HACD2: variants seen among roughly 807,000 people sequenced by gnomAD.
The protein encoded by HACD2 is very-long-chain (3R)-3-hydroxyacyl-CoA dehydratase 2.
In HACD2, 15 loss-of-function variants were observed where a neutral mutation model predicts 31.0. The ratio of observed to expected loss-of-function variants is 0.48; its 90% CI spans 0.32 to 0.75. HACD2 has a LOEUF of 0.75. Ranked by LOEUF, HACD2 falls within the 30% of genes least tolerant of loss-of-function variation. The pLI is 0.03. For synonymous variants in HACD2, 115 were observed against 122.2 expected (o/e 0.94, Z 0.39); for missense variants, 283 against 313.0 (o/e 0.90, Z 0.72).
intron 4 of HACD2, among the ~76,000 whole-genome samples, chr3:123,512,153 G>T (rs2056071487): frequency 6.6e-6 from 1 of 152,140 alleles, no homozygotes; most frequent in African/African-American, 2.4e-5. Context: ...ACTAAGATGA[G>T]CCCTGTTTAT....
chr3:123,508,597 T>G (rs1012111274), intron 4 of HACD2, among the ~76,000 whole-genome samples: 1 of 152,256 alleles, frequency 6.6e-6, no homozygotes, highest in African/African-American at 2.4e-5. Context: ...ACCCGCTGCT[T>G]ACTGCGCTGG....
chr3:123,569,871 C>T (rs1451225283), intron 2 of HACD2, among the ~76,000 whole-genome samples: 5 of 151,940 alleles, frequency 3.3e-5, no homozygotes, highest in African/African-American at 9.6e-5. Context: ...TGCCTGTAGT[C>T]TCGGCTACTC....
intron 4 of HACD2, among the ~76,000 whole-genome samples, chr3:123,519,344 C>G (rs1373049605): frequency 1.3e-5 from 2 of 152,206 alleles, no homozygotes; most frequent in East Asian, 1.9e-4. Flanking sequence ...AAAATGCAGA[C>G]AGCTTAGTCA....
chr3:123,505,132 AC>A (rs1402624965), intron 4 of HACD2, among the ~76,000 whole-genome samples: 1 of 152,258 alleles, frequency 6.6e-6, no homozygotes, highest in Non-Finnish European at 1.5e-5. Context: ...AACCTTGAAG[AC>A]ATCATGCTAA....
chr3:123,581,340 T>C (rs2056964942), intron 2 of HACD2, among the ~76,000 whole-genome samples: 1 of 152,108 alleles, frequency 6.6e-6, no homozygotes, highest in Non-Finnish European at 1.5e-5. Context: ...ATAAGCAAAG[T>C]CTATAGTCCC....
At chr3:123,500,781 C>T (rs933192536) in intron 5 of HACD2, 88 bp from the exon 6 acceptor site, 1 of 736,068 alleles carries the variant, frequency 1.4e-6, no homozygotes, top group Admixed American at 3.3e-5. Flanking sequence ...CAGTACTGGT[C>T]TTTTAGAAAA....
chr3:123,544,457 G>C (rs1388538603), intron 3 of HACD2, among the ~76,000 whole-genome samples: 1 of 152,134 alleles, frequency 6.6e-6, no homozygotes, highest in Non-Finnish European at 1.5e-5. Context: ...GTAATATTCT[G>C]ATATTTCCAT....
In HACD2 at chr3:123,528,616, C is replaced by T. The variant is rs1004192228; in HGVS notation, c.293-142G>A. 14 of 597,690 alleles carry T rather than the reference C, an allele frequency of 2.3e-5. No homozygotes were observed. The South Asian group carries it at 2.6e-4, about 11-fold the overall frequency. The allele number at this position is 597,690 out of a possible 1,614,324, so 37.0% of individuals were successfully genotyped here. A position where few individuals can be genotyped will look rare whatever the true frequency, so the allele number is the denominator to read the frequency against. On this transcript the variant is annotated intron_variant, in intron 3 of 6. Coordinates refer to ENST00000383657, the MANE Select transcript of HACD2 (RefSeq NM_198402.5). ...AAAGGTGTCTATATTGTTACACAGA[C>T]TAAGTTTTCAATGTAGTCCACATTA...
chr3:123,539,714 A>G (rs1576762415), intron 3 of HACD2, among the ~76,000 whole-genome samples: 1 of 152,158 alleles, frequency 6.6e-6, no homozygotes, highest in East Asian at 1.9e-4. Flanking sequence ...GTGGATCACA[A>G]ACTTGGCTCT....
At chr3:123,563,640 TATATACACACACACACACACAC>T in intron 3 of HACD2, among the ~76,000 whole-genome samples, 1 of 91,236 alleles carries the variant, frequency 1.1e-5, no homozygotes, top group East Asian at 2.3e-4. Context: ...CAAAAAAATA[TATATACACACACACACACACAC>T]ACACACACAC....
chr3:123,532,970 C>T (rs1215187245), intron 3 of HACD2, among the ~76,000 whole-genome samples: 1 of 151,822 alleles, frequency 6.6e-6, no homozygotes, highest in East Asian at 1.9e-4. Context: ...TGTTTTAGAG[C>T]TCAATGTTAA....
chr3:123,553,677 C>T (rs555700009), intron 3 of HACD2, among the ~76,000 whole-genome samples: 1 of 152,330 alleles, frequency 6.6e-6, no homozygotes, highest in East Asian at 1.9e-4. Context: ...CTAATATAAA[C>T]CACTGCATAT....
chr3:123,567,860 TC>T, intron 2 of HACD2, 80 bp from the exon 3 acceptor site: 1 of 921,522 alleles, frequency 1.1e-6, no homozygotes, highest in Non-Finnish European at 1.6e-6. Context: ...AACTAATGTT[TC>T]AGTAAGAATA....
intron 2 of HACD2, among the ~76,000 whole-genome samples, chr3:123,569,206 T>A (rs915318957): frequency 6.6e-6 from 1 of 152,076 alleles, no homozygotes; most frequent in Non-Finnish European, 1.5e-5. Flanking sequence ...TCTTTTTCAA[T>A]AGAAAACACT....
At chr3:123,545,139 G>GTT (rs377625410) in intron 3 of HACD2, among the ~76,000 whole-genome samples, 2,141 of 132,372 alleles carry the variant, frequency 0.016, 28 homozygotes, top group Middle Eastern at 0.027. Context: ...GGTACTAGCT[G>GTT]TTTTTTTTTT....
chr3:123,515,399 C>T (rs752441153), intron 4 of HACD2, among the ~76,000 whole-genome samples: 6 of 152,138 alleles, frequency 3.9e-5, no homozygotes, highest in African/African-American at 9.7e-5. Flanking sequence ...ATAGAAGATA[C>T]TGAATAAATA....
intron 3 of HACD2, among the ~76,000 whole-genome samples, chr3:123,539,004 T>C (rs2107717090): frequency 6.6e-6 from 1 of 152,340 alleles, no homozygotes; most frequent in Non-Finnish European, 1.5e-5. Context: ...GTATTTTTCA[T>C]AGGAATTTTA....
chr3:123,507,810 G>A (rs1041474050), intron 4 of HACD2, among the ~76,000 whole-genome samples: 23 of 152,280 alleles, frequency 1.5e-4, no homozygotes, highest in African/African-American at 4.6e-4. Context: ...AGATTATGGT[G>A]ATGGTTGCAC....
chr3:123,567,751 T>C lies in HACD2; in HGVS notation c.292+11A>G. The C allele has an allele frequency of 6.8e-7, 1 of 1,465,968 alleles. No homozygotes were observed. 90.8% of individuals were successfully genotyped at this position (1,465,968 alleles called of 1,614,324 possible). ...TCACTGTACATAGTAGGGGGGAATA[T>C]CCATACTTACCTATAGCACAATGTA... On this transcript the variant is annotated intron_variant, in intron 3 of 6. Transcript: ENST00000383657.
Sources: gnomAD v4.1 joint callset for allele counts (sites outside exome capture counted in the v4.1 genomes callset) on GRCh38, gnomAD v4.1.1 for gene constraint, MANE v1.5 for transcripts, NCBI Gene and HGNC (gene_info 2026-07-23, HGNC 2026-07-21) for gene names.